ROBO2: variants seen among roughly 807,000 people sequenced by gnomAD.
ROBO2 encodes the protein roundabout homolog 2.
A neutral mutation model predicts 160.8 loss-of-function variants in ROBO2; 53 were observed. That is an observed-to-expected ratio of 0.33 (90% CI 0.26 to 0.41). ROBO2 has a LOEUF of 0.41. ROBO2 is among the 10% of genes least tolerant of loss of function. The pLI is 1.00. For missense variants in ROBO2, 1,577 were observed against 1,722.4 expected, an observed-to-expected ratio of 0.92 and a Z score of 1.49; for synonymous variants, 664 against 611.7, an observed-to-expected ratio of 1.09 and a Z score of -1.26.
At chr3:76,597,408 A>C (rs2086806729) in intron 2 of ROBO2, among the ~76,000 whole-genome samples, 1 of 152,128 alleles carries the variant, frequency 6.6e-6, no homozygotes, top group South Asian at 2.1e-4. Context: ...CTTAAAACTC[A>C]ATAGTAAAAC....
intron 5 of ROBO2, among the ~76,000 whole-genome samples, chr3:77,502,267 G>A (rs2087725064): frequency 6.6e-6 from 1 of 152,060 alleles, no homozygotes; most frequent in South Asian, 2.1e-4. Flanking sequence ...GCATATGCTT[G>A]CCTAGAAGTA....
At chr3:77,479,522 C>T (rs976300364) in intron 3 of ROBO2, among the ~76,000 whole-genome samples, 10 of 152,016 alleles carry the variant, frequency 6.6e-5, no homozygotes, top group Non-Finnish European at 1.2e-4. Context: ...TCCTTTAGTT[C>T]AAAGTGCTCA....
intron 16 of ROBO2, among the ~76,000 whole-genome samples, chr3:77,586,233 T>C (rs1053748604): frequency 7.9e-5 from 12 of 152,166 alleles, no homozygotes; most frequent in Admixed American, 7.2e-4. Context: ...TTCAGATATA[T>C]ATCCATTAAG....
intron 2 of ROBO2, among the ~76,000 whole-genome samples, chr3:77,000,738 T>G (rs560007547): frequency 1.3e-5 from 2 of 152,296 alleles, no homozygotes; most frequent in South Asian, 4.1e-4. Flanking sequence ...TGAAGAAAGT[T>G]ATTTTGAATA....
intron 2 of ROBO2, among the ~76,000 whole-genome samples, chr3:76,278,062 C>T (rs532309614): frequency 1.7e-4 from 25 of 151,472 alleles, no homozygotes; most frequent in African/African-American, 2.4e-4. Context: ...AAGAGGTAAA[C>T]GGTGAAATGC....
At chr3:77,289,552 A>G (rs1385665085) in intron 2 of ROBO2, among the ~76,000 whole-genome samples, 1 of 152,070 alleles carries the variant, frequency 6.6e-6, no homozygotes, top group East Asian at 1.9e-4. Flanking sequence ...CATAAAGTAA[A>G]ATTGACAGTT....
intron 5 of ROBO2, among the ~76,000 whole-genome samples, chr3:77,500,146 A>G (rs987980250): frequency 3.3e-5 from 5 of 152,160 alleles, no homozygotes; most frequent in African/African-American, 1.2e-4. Flanking sequence ...TAAGCATAAA[A>G]CCATTATTAT....
At chr3:76,422,561 C>T (rs1461725026) in intron 2 of ROBO2, among the ~76,000 whole-genome samples, 1 of 152,142 alleles carries the variant, frequency 6.6e-6, no homozygotes, top group African/African-American at 2.4e-5. Flanking sequence ...TAGTAAATTG[C>T]ATCGTCTTTT....
At chr3:77,101,287 C>T (rs2071887160) in intron 2 of ROBO2, among the ~76,000 whole-genome samples, 1 of 151,430 alleles carries the variant, frequency 6.6e-6, no homozygotes, top group Non-Finnish European at 1.5e-5. Flanking sequence ...AGGATGATTA[C>T]TAGATTTGTT....
intron 2 of ROBO2, among the ~76,000 whole-genome samples, chr3:76,034,496 A>G (rs2067035139): frequency 1.3e-5 from 2 of 152,228 alleles, no homozygotes; most frequent in Admixed American, 1.3e-4. Context: ...CTCAGAACTG[A>G]AAGAACAAAG....
chr3:77,381,056 C>T (rs2073389697), intron 2 of ROBO2, among the ~76,000 whole-genome samples: 1 of 152,210 alleles, frequency 6.6e-6, no homozygotes, highest in South Asian at 2.1e-4. Flanking sequence ...TGGCTCACGC[C>T]TGTAATCCCA....
intron 2 of ROBO2, among the ~76,000 whole-genome samples, chr3:76,495,045 T>A (rs1240688076): frequency 1.3e-5 from 2 of 152,190 alleles, no homozygotes; most frequent in Non-Finnish European, 2.9e-5. Context: ...TAATTCCATT[T>A]TATTAAAATT....
At chr3:76,000,898 A>G (rs1018750366) in intron 2 of ROBO2, among the ~76,000 whole-genome samples, 6 of 152,050 alleles carry the variant, frequency 3.9e-5, no homozygotes, top group Admixed American at 1.3e-4. Context: ...TATGCTCTCT[A>G]TCTTTTAGTA....
chr3:77,129,458 G>A (rs570119847), intron 2 of ROBO2, among the ~76,000 whole-genome samples: 12 of 152,264 alleles, frequency 7.9e-5, no homozygotes, highest in African/African-American at 2.9e-4. Context: ...CTGTGATTGG[G>A]GATTTGACGA....
intron 24 of ROBO2, among the ~76,000 whole-genome samples, chr3:77,635,959 C>T (rs752865432): frequency 6.6e-6 from 1 of 152,026 alleles, no homozygotes; most frequent in Non-Finnish European, 1.5e-5. Flanking sequence ...TGGTGAGGAC[C>T]CACTTTCTGG....
At chr3:76,235,283 C>T (rs901907461) in intron 2 of ROBO2, among the ~76,000 whole-genome samples, 8 of 152,094 alleles carry the variant, frequency 5.3e-5, no homozygotes, top group Admixed American at 3.9e-4. Flanking sequence ...AGCACCGCCC[C>T]ACCGCCCAAC....
chr3:77,067,028 TCACACA>T (rs144228628), intron 1 of ROBO2, among the ~76,000 whole-genome samples: 60 of 136,934 alleles, frequency 4.4e-4, no homozygotes, highest in Non-Finnish European at 7.2e-4. Context: ...ACACACACAC[TCACACA>T]CACACACACA....
intron 2 of ROBO2, among the ~76,000 whole-genome samples, chr3:76,103,110 A>G (rs576369463): frequency 7.2e-5 from 11 of 152,306 alleles, no homozygotes; most frequent in Admixed American, 1.3e-4. Flanking sequence ...GGCGTGAGCC[A>G]CCACGCCCGG....
At chr3:76,501,374 CCTCT>C (rs2080455104) in intron 2 of ROBO2, among the ~76,000 whole-genome samples, 1 of 152,154 alleles carries the variant, frequency 6.6e-6, no homozygotes, top group Non-Finnish European at 1.5e-5. Flanking sequence ...TTATCCCAAT[CCTCT>C]ACTGTGGAAA....
Sources: allele counts gnomAD v4.1 joint callset (sites outside exome capture counted in the v4.1 genomes callset), GRCh38; gene constraint gnomAD v4.1.1; transcripts MANE v1.5; gene names NCBI Gene and HGNC (gene_info 2026-07-23, HGNC 2026-07-21).